The following SCGB2B2 variants were observed in gnomAD, a reference collection of about 807,000 sequenced individuals.
SCGB2B2 encodes secretoglobin family 2B member 2, also known as secretoglobin-like protein.
In SCGB2B2, 11 loss-of-function variants were observed where a neutral mutation model predicts 7.6. That is an observed-to-expected ratio of 1.45 (90% confidence interval 0.91 to 2.40). The LOEUF (loss-of-function observed/expected upper bound fraction) is 2.40, where lower values mean the gene tolerates loss of function less well. Among genes scored for constraint, SCGB2B2 ranks in the 30% most tolerant of loss-of-function variants. SCGB2B2 has a pLI of 0.00. For synonymous variants in SCGB2B2, 50 were observed against 48.6 expected (o/e 1.03, Z -0.12); for missense variants, 104 against 115.4 (o/e 0.90, Z 0.45).
At chr19:34,654,421 T>C (rs1164190045) in intron 1 of SCGB2B2, among the ~76,000 whole-genome samples, 2 of 151,288 alleles carry the variant, frequency 1.3e-5, no homozygotes, top group Non-Finnish European at 2.9e-5. Flanking sequence ...TTACAAATTA[T>C]ACACTTTAGA....
At chr19:34,609,767 C>CT (rs1475053669) in intron 1 of SCGB2B2, among the ~76,000 whole-genome samples, 2 of 152,012 alleles carry the variant, frequency 1.3e-5, no homozygotes, top group Non-Finnish European at 2.9e-5. Flanking sequence ...ATGCCTCCAA[C>CT]TTTTTTCATT....
chr19:34,661,514 T>C (rs1346359087), intron 1 of SCGB2B2, among the ~76,000 whole-genome samples: 1 of 152,156 alleles, frequency 6.6e-6, no homozygotes, highest in African/African-American at 2.4e-5. Flanking sequence ...AAGGCCAAAG[T>C]AGAAGGACTC....
intron 1 of SCGB2B2, among the ~76,000 whole-genome samples, chr19:34,626,437 C>T (rs10425908): frequency 0.5 from 75,282 of 152,082 alleles, 19,432 homozygotes; most frequent in African/African-American, 0.63. Flanking sequence ...CTGAAAACCA[C>T]GGCATGAGAA....
chr19:34,672,914 G>A (rs892796303), intron 1 of SCGB2B2, among the ~76,000 whole-genome samples: 1 of 152,006 alleles, frequency 6.6e-6, no homozygotes, highest in African/African-American at 2.4e-5. Context: ...TTTCCTCAAA[G>A]GCCTCACCTC....
intron 2 of SCGB2B2, 39 bp from the exon 3 acceptor site, chr19:34,594,398 C>T: frequency 6.2e-7 from 1 of 1,606,486 alleles, no homozygotes; most frequent in Non-Finnish European, 8.5e-7. Flanking sequence ...CAGAGGAGGT[C>T]AGAATTCAGC....
At chr19:34,616,955 T>C (rs2066100816) in intron 1 of SCGB2B2, among the ~76,000 whole-genome samples, 1 of 152,220 alleles carries the variant, frequency 6.6e-6, no homozygotes. Context: ...CCTTTCCCCA[T>C]TGCTTGTTTT....
intron 1 of SCGB2B2, among the ~76,000 whole-genome samples, chr19:34,657,117 T>C (rs905085293): frequency 6.6e-6 from 1 of 151,374 alleles, no homozygotes; most frequent in Non-Finnish European, 1.5e-5. Flanking sequence ...CTTTTCTATA[T>C]GGCAGCACGA....
intron 1 of SCGB2B2, among the ~76,000 whole-genome samples, chr19:34,636,129 C>T (rs565227362): frequency 6.6e-6 from 1 of 152,342 alleles, no homozygotes; most frequent in South Asian, 2.1e-4. Context: ...AACCAACAAC[C>T]TGAAAGCAAA....
At chr19:34,643,080 G>C (rs538827616) in intron 1 of SCGB2B2, among the ~76,000 whole-genome samples, 1 of 152,172 alleles carries the variant, frequency 6.6e-6, no homozygotes, top group African/African-American at 2.4e-5. Flanking sequence ...AAAGGAGGAA[G>C]TCAGTCTATC....
At chr19:34,623,968 T>C (rs1252008918) in intron 1 of SCGB2B2, among the ~76,000 whole-genome samples, 1 of 152,032 alleles carries the variant, frequency 6.6e-6, no homozygotes, top group South Asian at 2.1e-4. Context: ...TGCCTACAAA[T>C]AGGGCATGAG....
chr19:34,594,887 C>G lies in SCGB2B2; in HGVS notation c.-324G>C, dbSNP rs1294727036. 2 of 399,014 alleles carry G rather than the reference C, an allele frequency of 5.0e-6. No homozygotes were observed. Among genetic ancestry groups the G allele is most frequent in the African/African-American group, 4.1e-5 (2 of 49,316 alleles). The allele number at this position is 399,014 out of a possible 1,614,324, so 24.7% of individuals were successfully genotyped here. ...TGAACACTGGTGTAAGCCTGCAAGT[C>G]TGAGTGTGCATGCACATGTGACCCT... On this transcript the variant is annotated 5_prime_UTR_variant, in exon 2 of 4. Transcript: ENST00000601241.
chr19:34,593,663 T>C, intron 3 of SCGB2B2, 64 bp from the exon 4 acceptor site: 2 of 1,365,472 alleles, frequency 1.5e-6, no homozygotes, highest in Non-Finnish European at 2.0e-6. Context: ...AGACTCATCG[T>C]TATTGCCCGG....
intron 1 of SCGB2B2, among the ~76,000 whole-genome samples, chr19:34,623,091 A>G (rs748397497): frequency 9.2e-5 from 14 of 152,026 alleles, no homozygotes; most frequent in African/African-American, 2.4e-4. Flanking sequence ...TACTCTCCCA[A>G]TTGGATAAGG....
chr19:34,637,537 G>C (rs113638375), intron 1 of SCGB2B2, among the ~76,000 whole-genome samples: 44 of 152,172 alleles, frequency 2.9e-4, no homozygotes, highest in African/African-American at 9.9e-4. Context: ...CGGGTCCATC[G>C]TGAGTCCCTC....
chr19:34,586,971 G>C (rs573215217), downstream of SCGB2B2, among the ~76,000 whole-genome samples: 1 of 152,158 alleles, frequency 6.6e-6, no homozygotes, highest in South Asian at 2.1e-4. Context: ...GCAATGACGT[G>C]CTCTCGGCTC....
downstream of SCGB2B2, among the ~76,000 whole-genome samples, chr19:34,586,002 T>TA (rs1456350287): frequency 1.3e-5 from 2 of 152,250 alleles, no homozygotes; most frequent in African/African-American, 4.8e-5. Context: ...TACATATACC[T>TA]AAAGTGTATA....
At chr19:34,587,877 T>C (rs1245892314), downstream of SCGB2B2, among the ~76,000 whole-genome samples, 3 of 152,240 alleles carry the variant, frequency 2.0e-5, no homozygotes, top group African/African-American at 7.2e-5. Flanking sequence ...CTGGGTTGAA[T>C]TCCACTTGGC....
In SCGB2B2 at chr19:34,592,674, T is replaced by C. The variant is rs1034264764; in HGVS notation, c.*881A>G. Among the ~76,000 whole-genome samples, 2 of 152,224 alleles carry C rather than the reference T, an allele frequency of 1.3e-5. No individual in the cohort carries two copies. The highest frequency in any genetic ancestry group is 2.9e-5 in the Non-Finnish European group (2 of 68,006). On this transcript the variant is annotated 3_prime_UTR_variant, in exon 4 of 4. Transcript: ENST00000601241. Reference sequence around the variant, plus strand: ...GACCTCCATCGAGGATGAAATCAACTGAGGGGTGAGGTGGGAGAGAGGGGC... The same window carrying C: ...GACCTCCATCGAGGATGAAATCAACCGAGGGGTGAGGTGGGAGAGAGGGGC...
At chr19:34,658,382 A>G (rs985088214) in intron 1 of SCGB2B2, among the ~76,000 whole-genome samples, 4 of 152,188 alleles carry the variant, frequency 2.6e-5, no homozygotes, top group Non-Finnish European at 5.9e-5. Context: ...AAGAGAGAAG[A>G]ATCAAATAGA....
Sources: gnomAD v4.1 joint callset for allele counts (sites outside exome capture counted in the v4.1 genomes callset) on GRCh38, gnomAD v4.1.1 for gene constraint, MANE v1.5 for transcripts, NCBI Gene and HGNC (gene_info 2026-07-23, HGNC 2026-07-21) for gene names.